Variants in STOX1 observed in about 807,000 individuals in gnomAD.
STOX1 encodes the protein storkhead box 1.
In STOX1, 57 loss-of-function variants were observed where a neutral mutation model predicts 74.8. The observed-to-expected ratio is 0.76, with a 90% CI of 0.62 to 0.95. The LOEUF (loss-of-function observed/expected upper bound fraction) is 0.95. Ranked by LOEUF, STOX1 falls within the 40% of genes least tolerant of loss-of-function variation. The pLI is 0.00. For synonymous variants in STOX1, 375 were observed against 401.3 expected (o/e 0.93, Z 0.78); for missense variants, 1,010 against 1,117.0 (o/e 0.90, Z 1.37).
intron 1 of STOX1, among the ~76,000 whole-genome samples, chr10:68,844,426 G>T (rs936644030): frequency 1.3e-5 from 2 of 150,462 alleles, no homozygotes; most frequent in African/African-American, 4.9e-5. Flanking sequence ...AGCCTCCTGA[G>T]TAGTTGGGAT....
At chr10:68,894,102 A>C (rs1202838660), downstream of STOX1, among the ~76,000 whole-genome samples, 1 of 150,992 alleles carries the variant, frequency 6.6e-6, no homozygotes, top group Non-Finnish European at 1.5e-5. Context: ...CACTATTGCC[A>C]GGGCTGCAGT....
intron 1 of STOX1, among the ~76,000 whole-genome samples, chr10:68,835,415 T>C (rs1030500853): frequency 2.3e-4 from 35 of 152,260 alleles, no homozygotes; most frequent in African/African-American, 8.2e-4. Context: ...CTTGAACTCC[T>C]GGGCTAAAGT....
At chr10:68,879,798 T>A (rs1361047886) in intron 1 of STOX1, among the ~76,000 whole-genome samples, 1 of 152,138 alleles carries the variant, frequency 6.6e-6, no homozygotes, top group African/African-American at 2.4e-5. Context: ...CTGTGGGAAA[T>A]GCTACTGGCA....
chr10:68,828,378 T>A, intron 1 of STOX1: 8 of 857,324 alleles, frequency 9.3e-6, no homozygotes, highest in Non-Finnish European at 1.2e-5. Flanking sequence ...GGCTAGGCGC[T>A]GCTCTGAGGG....
chr10:68,885,016 C>G lies in STOX1; in HGVS notation c.1220C>G (p.Pro407Arg). The G allele has an allele frequency of 6.2e-7, 1 of 1,614,084 alleles. No individual in the cohort carries two copies. The highest frequency in any genetic ancestry group is 8.5e-7 in the Non-Finnish European group (1 of 1,180,018). ...TDMLTIGHKY[P>R]SKEGVKKRQG... ...ATGCTGACAATCGGGCATAAGTATC[C>G]TTCAAAAGAGGGGGTTAAGAAAAGG... Residue 407 changes from proline (P) to arginine (R), a missense_variant, in exon 3 of 4, where the codon CCT (proline) becomes CGT (arginine). Physicochemically the swap from Pro to Arg is moderately radical, Grantham distance 103. Coordinates refer to ENST00000298596, the MANE Select transcript of STOX1 (RefSeq NM_152709.5).
Position 68,884,909 on chromosome 10 carries a change from T to G in STOX1, c.1113T>G (p.Val371=), listed in dbSNP as rs780823613. The G allele has an allele frequency of 8.1e-6, 13 of 1,614,100 alleles. No individual in the cohort carries two copies. The highest frequency in any genetic ancestry group is 7.6e-6 in the Non-Finnish European group (9 of 1,180,018). ...IIKRINPILT[V]DNLIKHTVLM... is the part of the protein sequence containing the mutation. The stretch of plus-strand genomic sequence containing the variant: ...AACGAATTAACCCCATTTTGACTGT[T>G]GACAATTTAATCAAACACACTGTCC... The change falls in exon 3 of 4, where the codon GTT becomes GTG. Residue 371 remains valine (V), a synonymous_variant. Transcript: ENST00000298596.
intron 1 of STOX1, among the ~76,000 whole-genome samples, chr10:68,874,835 C>A (rs990069903): frequency 2.0e-5 from 3 of 152,150 alleles, no homozygotes; most frequent in Non-Finnish European, 2.9e-5. Context: ...GGCGAGCAGA[C>A]CCCAGTTCAG....
At chr10:68,865,149 T>G (rs961991558) in intron 1 of STOX1, among the ~76,000 whole-genome samples, 2 of 152,236 alleles carry the variant, frequency 1.3e-5, no homozygotes, top group African/African-American at 4.8e-5. Context: ...ACTGTGAAAA[T>G]CTTTTACGAG....
chr10:68,887,352 G>A (rs1467739446), intron 3 of STOX1, among the ~76,000 whole-genome samples: 3 of 150,630 alleles, frequency 2.0e-5, no homozygotes, highest in Non-Finnish European at 4.4e-5. Context: ...GCGTGATCTC[G>A]GCTCACCACA....
chr10:68,854,427 G>C (rs1305358300), intron 1 of STOX1, among the ~76,000 whole-genome samples: 2 of 151,972 alleles, frequency 1.3e-5, no homozygotes, highest in African/African-American at 2.4e-5. Flanking sequence ...CTCCCGAGTA[G>C]CTGGGACTAC....
At chr10:68,847,405 G>GGTTTT (rs60685330) in intron 1 of STOX1, among the ~76,000 whole-genome samples, 1,938 of 150,768 alleles carry the variant, frequency 0.013, 45 homozygotes, top group African/African-American at 0.043. Context: ...GAAGGTAGAA[G>GGTTTT]GTTTTGTTTT....
Position 68,886,403 on chromosome 10 carries a change from C to A in STOX1, c.2607C>A (p.Val869=). 2 of 1,614,146 alleles carry A rather than the reference C, an allele frequency of 1.2e-6. No individual in the cohort carries two copies. Among genetic ancestry groups the A allele is most frequent in the South Asian group, 2.2e-5 (2 of 91,014 alleles). Residue 869 remains valine, a synonymous_variant, in exon 3 of 4, where the codon GTC becomes GTA. Transcript: ENST00000298596. ...GAAAAGCCAGTTTTGAAGCTGAAGT[C>A]ATACAAGACACTATTGGTGACACAG... ...SARKASFEAE[V]IQDTIGDTGK... is the part of the protein sequence containing the mutation.
At chr10:68,850,634 TATTGTGGTGGTC>T (rs921273332) in intron 1 of STOX1, among the ~76,000 whole-genome samples, 16 of 152,332 alleles carry the variant, frequency 1.1e-4, no homozygotes, top group Middle Eastern at 6.8e-3. Context: ...GCATGTATAT[TATTGTGGTGGTC>T]ATTGTGGTGG....
chr10:68,870,937 G>A (rs979842067), intron 1 of STOX1, among the ~76,000 whole-genome samples: 4 of 152,202 alleles, frequency 2.6e-5, no homozygotes, highest in Admixed American at 2.0e-4. Flanking sequence ...GACACCCAGA[G>A]CTTCTGACCT....
At chr10:68,882,648 G>A (rs1011442103) in intron 2 of STOX1, among the ~76,000 whole-genome samples, 1 of 151,754 alleles carries the variant, frequency 6.6e-6, no homozygotes, top group Non-Finnish European at 1.5e-5. Flanking sequence ...ACAGGCGCCT[G>A]CCAGCATGCC....
At chr10:68,830,694 C>G (rs1162355430) in intron 1 of STOX1, among the ~76,000 whole-genome samples, 1 of 152,024 alleles carries the variant, frequency 6.6e-6, no homozygotes, top group African/African-American at 2.4e-5. Context: ...TTGACCATGG[C>G]AAGGACAGAT....
At position 68,884,150 on chromosome 10, in the gene STOX1, A is replaced by G. The variant is rs559888349; in HGVS notation, c.464-110A>G. 83 of 967,942 alleles carry G rather than the reference A, an allele frequency of 8.6e-5. 1 individual carries two copies. Among genetic ancestry groups the G allele is most frequent in the South Asian group, 6.5e-4 (47 of 72,382 alleles). 60.0% of individuals were successfully genotyped at this position (967,942 alleles called of 1,614,324 possible). ...TTTTAATCACATGTATTATGTTACA[A>G]TCAGCTCTGGGTTTATCAAGCCAAT... On this transcript the variant is annotated intron_variant, in intron 2 of 3. Coordinates refer to ENST00000298596, the MANE Select transcript of STOX1 (RefSeq NM_152709.5).
intron 1 of STOX1, among the ~76,000 whole-genome samples, chr10:68,870,663 G>A (rs1310369447): frequency 6.6e-6 from 1 of 152,210 alleles, no homozygotes; most frequent in Non-Finnish European, 1.5e-5. Context: ...GCAAGAAGCA[G>A]AAGCAATGCA....
At chr10:68,832,483 G>C (rs1839436136) in intron 1 of STOX1, among the ~76,000 whole-genome samples, 3 of 152,048 alleles carry the variant, frequency 2.0e-5, no homozygotes. Flanking sequence ...GACCAGCCTG[G>C]CCAATGTGGT....
Sources: allele counts gnomAD v4.1 joint callset (sites outside exome capture counted in the v4.1 genomes callset), GRCh38; gene constraint gnomAD v4.1.1; transcripts MANE v1.5; gene names NCBI Gene and HGNC (gene_info 2026-07-23, HGNC 2026-07-21).